Variants in STARD9 observed in about 807,000 individuals in gnomAD.
The protein encoded by STARD9 is StAR related lipid transfer domain containing 9.
A neutral mutation model predicts 399.8 loss-of-function variants in STARD9; 346 were observed. That is an observed-to-expected ratio of 0.87 (90% confidence interval 0.79 to 0.95). STARD9 has a LOEUF of 0.95. Ranked by LOEUF, STARD9 falls within the 40% of genes least tolerant of loss-of-function variation. STARD9 has a pLI of 0.00. For synonymous variants in STARD9, 2,203 were observed against 2,143.5 expected (o/e 1.03, Z -0.77); for missense variants, 5,832 against 5,667.5 (o/e 1.03, Z -0.93).
chr15:42,705,008 T>C (rs1038892555), intron 26 of STARD9, among the ~76,000 whole-genome samples: 8 of 152,298 alleles, frequency 5.3e-5, no homozygotes, highest in African/African-American at 1.9e-4. Flanking sequence ...TTCATCCTGA[T>C]GGGGTGGGGA....
chr15:42,652,314 C>G (rs2059778143), intron 8 of STARD9, among the ~76,000 whole-genome samples: 1 of 152,028 alleles, frequency 6.6e-6, no homozygotes, highest in Non-Finnish European at 1.5e-5. Context: ...AAGCTACACT[C>G]CGTTTTATGC....
intron 7 of STARD9, among the ~76,000 whole-genome samples, chr15:42,647,706 G>T (rs12594855): frequency 6.6e-6 from 1 of 151,844 alleles, no homozygotes; most frequent in Non-Finnish European, 1.5e-5. Context: ...TTTTAATTTG[G>T]TATTGTGGTC....
chr15:42,660,968 T>G (rs2059983127), intron 9 of STARD9, among the ~76,000 whole-genome samples, 190 bp from the exon 10 acceptor site: 1 of 151,378 alleles, frequency 6.6e-6, no homozygotes, highest in South Asian at 2.1e-4. Flanking sequence ...TTTTTTGAAG[T>G]GATGATCCAG....
Position 42,669,188 on chromosome 15 carries a change from A to AT in STARD9, c.1348_1349insT (p.Lys450IlefsTer4). ...CCAGCTGACTAAAGACTGGACCCAG[A>AT]AGTGGAATGATTGGCAGGCCCTCAT... On this transcript the variant is annotated frameshift_variant, in exon 16 of 33. Transcript: ENST00000290607. LOFTEE classifies it high-confidence loss of function. The AT allele has an allele frequency of 6.5e-7, 1 of 1,536,106 alleles. No homozygotes were observed. Among genetic ancestry groups the AT allele is most frequent in the South Asian group, 1.2e-5 (1 of 84,004 alleles).
intron 26 of STARD9, among the ~76,000 whole-genome samples, chr15:42,704,202 C>T (rs1250138223): frequency 4.6e-5 from 7 of 152,214 alleles, no homozygotes; most frequent in East Asian, 3.8e-4. Flanking sequence ...TGAGCTACCA[C>T]GCCTGGCCAA....
intron 7 of STARD9, among the ~76,000 whole-genome samples, chr15:42,640,818 CAAAAAAAAAAA>C (rs34006967): frequency 2.0e-4 from 17 of 83,620 alleles, no homozygotes; most frequent in Admixed American, 7.0e-4. Context: ...GACTCCGTCT[CAAAAAAAAAAA>C]AAAAAAAAAA....
rs1346218257 is a variant in STARD9 at position 42,686,821 on chromosome 15, A to C, written c.5243A>C (p.Tyr1748Ser). ...CAGCCCCCACTCTTGGAAACATTCT[A>C]TGTGACCAAAAGCAGGGATGCCCTG... ...SLQPPLLETF[Y>S]VTKSRDALTE... is the part of the protein sequence containing the mutation. The change falls in exon 23 of 33, where the codon TAT (tyrosine) becomes TCT (serine). Residue 1748 changes from tyrosine to serine, a missense_variant. Coordinates refer to ENST00000290607, the MANE Select transcript of STARD9 (RefSeq NM_020759.3). 2.0e-6 allele frequency: 3 copies of C among 1,537,056 alleles called. No homozygotes were observed. The highest frequency in any genetic ancestry group is 2.6e-6 in the Non-Finnish European group (3 of 1,146,922).
intron 1 of STARD9, among the ~76,000 whole-genome samples, chr15:42,579,368 CCTT>C (rs1460774601): frequency 1.3e-5 from 2 of 152,182 alleles, no homozygotes; most frequent in Non-Finnish European, 2.9e-5. Flanking sequence ...ACATTTCTCA[CCTT>C]CTTAACACTG....
rs866396694 is a variant in STARD9, at chr15:42,717,976, G to C, written c.13560-1G>C. On this transcript the variant is annotated splice_acceptor_variant, in intron 29 of 32. Transcript: ENST00000290607. LOFTEE classifies it high-confidence loss of function. ...TTTCTGTGCTTGGTGTCTCCCCCCA[G>C]CTATCAGGGTGAGGAGCAGGCGGTG... is the stretch of plus-strand genomic sequence containing the variant. The C allele has an allele frequency of 6.5e-7, 1 of 1,537,144 alleles. No individual in the cohort carries two copies. The highest frequency in any genetic ancestry group is 1.2e-5 in the South Asian group (1 of 84,062).
chr15:42,583,312 C>T (rs753822859), intron 1 of STARD9, 34 bp from the exon 2 acceptor site: 21 of 1,495,742 alleles, frequency 1.4e-5, no homozygotes, highest in Non-Finnish European at 1.7e-5. Context: ...ATTTTAAAAA[C>T]AACATTTCTT....
In STARD9 at chr15:42,579,590, CAGTG is replaced by C. The variant is rs952075744; in HGVS notation, c.48-3753_48-3750del. On this transcript the variant is annotated intron_variant, in intron 1 of 32. Coordinates refer to ENST00000290607, the MANE Select transcript of STARD9 (RefSeq NM_020759.3). ...GAAGGAAAGGAAGGAGAGAGGAAGA[CAGTG>C]AGGGAGGTAGGGAGGGAAATTCAGA... Among the ~76,000 whole-genome samples the C allele has an allele frequency of 3.3e-5, 5 of 151,958 alleles. No homozygotes were observed. In the South Asian group the frequency reaches 6.3e-4, roughly 19 times the overall value.
At chr15:42,657,718 G>C (rs1251174979) in intron 9 of STARD9, among the ~76,000 whole-genome samples, 1 of 152,200 alleles carries the variant, frequency 6.6e-6, no homozygotes, top group East Asian at 1.9e-4. Context: ...CATTCTCTGA[G>C]ATAAACCCTA....
chr15:42,651,661 C>CT (rs964492452), intron 8 of STARD9, among the ~76,000 whole-genome samples: 3 of 151,820 alleles, frequency 2.0e-5, no homozygotes, highest in African/African-American at 7.3e-5. Flanking sequence ...GTAAAAAGGT[C>CT]TTTAGAGCCT....
Position 42,684,176 on chromosome 15 carries a change from A to G in STARD9, c.2598A>G (p.Gln866=), listed in dbSNP as rs549124091. 2.0e-6 allele frequency: 3 copies of G among 1,537,230 alleles called. No individual in the cohort carries two copies. Among genetic ancestry groups the G allele is most frequent in the Non-Finnish European group, 1.7e-6 (2 of 1,146,866 alleles). Reference sequence around the variant, plus strand: ...CACCTAGGCCTGACCCTACACACCAAACATCAGAGAAAACATCATCAGAAG... The same window carrying G: ...CACCTAGGCCTGACCCTACACACCAGACATCAGAGAAAACATCATCAGAAG... ...TLPPRPDPTH[Q]TSEKTSSEEH... is the part of the protein sequence containing the mutation. Residue 866 remains glutamine (Q), a synonymous_variant, in exon 23 of 33, where the codon CAA becomes CAG. Transcript: ENST00000290607.
chr15:42,661,537 T>C (rs2059993952), intron 10 of STARD9, among the ~76,000 whole-genome samples: 1 of 152,102 alleles, frequency 6.6e-6, no homozygotes, highest in Admixed American at 6.5e-5. Context: ...CCTGAACTAC[T>C]GGGCTCAAGT....
chr15:42,720,786 T>A lies in STARD9; in HGVS notation c.*1212T>A, dbSNP rs926965768. 1 of 152,184 alleles carries A rather than the reference T, an allele frequency of 6.6e-6. No homozygotes were observed. Among genetic ancestry groups the A allele is most frequent in the African/African-American group, 2.4e-5 (1 of 41,438 alleles). 9.4% of individuals were successfully genotyped at this position (152,184 alleles called of 1,614,324 possible). ...TTTCTAAAGTGTTTGCAGGGCATTTTTCCCTCTTACCTCAGATTAAGTTAT... is the reference window on the plus strand; with the variant it reads ...TTTCTAAAGTGTTTGCAGGGCATTTATCCCTCTTACCTCAGATTAAGTTAT... On this transcript the variant is annotated 3_prime_UTR_variant, in exon 33 of 33. Coordinates refer to ENST00000290607, the MANE Select transcript of STARD9 (RefSeq NM_020759.3).
At position 42,691,422 on chromosome 15, in the gene STARD9, C is replaced by T; in HGVS notation, c.9844C>T (p.Gln3282Ter). 1 of 1,537,222 alleles carries T rather than the reference C, an allele frequency of 6.5e-7. No individual in the cohort carries two copies. ...GTCCTTGAGGCAAAATGAAACACCG[C>T]AGCCTGCTGCTCAGAGGAGTGGCCA... ...TVSLRQNETPQPAAQRSGHLY... is the reference protein window; with the variant it reads ...TVSLRQNETP Residue 3282 changes from glutamine to a stop codon, truncating the protein, a stop_gained, in exon 23 of 33, where the codon CAG (glutamine) becomes TAG (stop). Transcript: ENST00000290607. LOFTEE classifies it high-confidence loss of function.
In STARD9 at chr15:42,691,516, C is replaced by G. The variant is rs373706299; in HGVS notation, c.9938C>G (p.Ser3313Cys). ...RGSLPVTTIF[S>C]GPKHSRSSPT... The stretch of plus-strand genomic sequence containing the variant: ...TCACTTCCTGTGACTACAATCTTCT[C>G]TGGCCCCAAACACTCCAGGTCCTCC... The change falls in exon 23 of 33, where the codon TCT becomes TGT. Residue 3313 changes from serine (S) to cysteine (C), a missense_variant. By Grantham distance (112) the Ser-to-Cys change is moderately radical (BLOSUM62 -1). Coordinates refer to ENST00000290607, the MANE Select transcript of STARD9 (RefSeq NM_020759.3). 2 of 1,537,262 alleles carry G rather than the reference C, an allele frequency of 1.3e-6. No homozygotes were observed. The highest frequency in any genetic ancestry group is 2.0e-5 in the Admixed American group (1 of 51,008).
At chr15:42,591,760 C>G (rs2058399780) in intron 3 of STARD9, among the ~76,000 whole-genome samples, 1 of 152,162 alleles carries the variant, frequency 6.6e-6, no homozygotes, top group African/African-American at 2.4e-5. Flanking sequence ...GTAAATAGAT[C>G]AGTTGTCACC....
Sources: gnomAD v4.1 joint callset for allele counts (sites outside exome capture counted in the v4.1 genomes callset) on GRCh38, gnomAD v4.1.1 for gene constraint, MANE v1.5 for transcripts, NCBI Gene and HGNC (gene_info 2026-07-23, HGNC 2026-07-21) for gene names.